Variants in POU6F2 observed in about 807,000 individuals in gnomAD.
POU6F2 encodes the protein POU domain, class 6, transcription factor 2.
In POU6F2, 31 loss-of-function variants were observed where a neutral mutation model predicts 71.3. That is an observed-to-expected ratio of 0.43 (90% confidence interval 0.33 to 0.59). POU6F2 has a LOEUF of 0.59. POU6F2 is among the 20% of genes least tolerant of loss of function. The pLI is 0.04. For missense variants in POU6F2, 783 were observed against 856.8 expected (o/e 0.91, Z 1.07); for synonymous variants, 347 against 355.7 (o/e 0.98, Z 0.27).
chr7:39,058,261 G>T (rs1028289622), intron 1 of POU6F2, among the ~76,000 whole-genome samples: 1 of 152,174 alleles, frequency 6.6e-6, no homozygotes. Flanking sequence ...GGTGAGTTCT[G>T]TACTAGGAGC....
Position 39,154,150 on chromosome 7 carries a change from C to T in POU6F2, c.278-50085C>T, listed in dbSNP as rs530411177. 3.3e-5 allele frequency among the ~76,000 whole-genome samples: 5 copies of T among 152,302 alleles called. No individual in the cohort carries two copies. The East Asian group carries it at 5.8e-4, about 18-fold the overall frequency. The stretch of plus-strand genomic sequence containing the variant: ...AGTACAAACATTAATCTGGTTAAGT[C>T]ATTTAAAATCAAGTTAAAGGGATGT... On this transcript the variant is annotated intron_variant, in intron 2 of 9. Coordinates refer to ENST00000518318, the MANE Select transcript of POU6F2 (RefSeq NM_001370959.1).
At chr7:39,161,490 G>C (rs1242128457) in intron 2 of POU6F2, among the ~76,000 whole-genome samples, 1 of 152,146 alleles carries the variant, frequency 6.6e-6, no homozygotes, top group Non-Finnish European at 1.5e-5. Flanking sequence ...GTTGGTGTAG[G>C]TATTAACCCT....
At chr7:39,078,608 A>C (rs1467436781) in intron 1 of POU6F2, among the ~76,000 whole-genome samples, 1 of 152,206 alleles carries the variant, frequency 6.6e-6, no homozygotes, top group Non-Finnish European at 1.5e-5. Flanking sequence ...CTAGTATTGG[A>C]GCATGAATAT....
chr7:39,277,284 A>G (rs925106894), intron 4 of POU6F2, among the ~76,000 whole-genome samples: 1 of 152,138 alleles, frequency 6.6e-6, no homozygotes, highest in African/African-American at 2.4e-5. Flanking sequence ...CAAGGGGTAC[A>G]TGTGCAGATT....
At chr7:39,121,221 GAA>G (rs1022166605) in intron 2 of POU6F2, among the ~76,000 whole-genome samples, 9 of 152,190 alleles carry the variant, frequency 5.9e-5, no homozygotes, top group Non-Finnish European at 1.0e-4. Flanking sequence ...TGTAAACTCT[GAA>G]AAGTTGCTTA....
chr7:39,328,800 T>A (rs1785574632), intron 4 of POU6F2, among the ~76,000 whole-genome samples: 1 of 152,164 alleles, frequency 6.6e-6, no homozygotes, highest in Admixed American at 6.5e-5. Context: ...TGGCCACATG[T>A]GTCTACACAG....
At chr7:39,227,500 C>A (rs1794489975) in intron 4 of POU6F2, among the ~76,000 whole-genome samples, 1 of 150,678 alleles carries the variant, frequency 6.6e-6, no homozygotes, top group South Asian at 2.1e-4. Context: ...TCCTAGGCCC[C>A]TTCATGGAGT....
intron 4 of POU6F2, among the ~76,000 whole-genome samples, chr7:39,319,406 T>C (rs1284857113): frequency 6.8e-6 from 1 of 146,900 alleles, no homozygotes; most frequent in East Asian, 2.0e-4. Flanking sequence ...GATAACTCTT[T>C]CTGGGGGATG....
rs899174920 is a variant in POU6F2 at position 39,467,524 on chromosome 7, C to T, written c.*2838C>T. The T allele has an allele frequency of 1.3e-5, 2 of 152,186 alleles. No individual in the cohort carries two copies. The highest frequency in any genetic ancestry group is 2.4e-5 in the African/African-American group (1 of 41,456). 9.4% of individuals were successfully genotyped at this position (152,186 alleles called of 1,614,324 possible). A position where few individuals can be genotyped will look rare whatever the true frequency, so the allele number is the denominator to read the frequency against. On this transcript the variant is annotated 3_prime_UTR_variant, in exon 10 of 10. Transcript: ENST00000518318. ...GTATTTCAAGCTTCAGTATTTTTCT[C>T]ACATAATTTTTAATTATTGTTATCT...
chr7:39,087,979 G>A (rs917082749), intron 2 of POU6F2, among the ~76,000 whole-genome samples: 6 of 152,122 alleles, frequency 3.9e-5, no homozygotes, highest in African/African-American at 1.2e-4. Flanking sequence ...ATTTACTAAG[G>A]ATTTGTAGTT....
At chr7:39,390,186 A>G (rs1787037529) in intron 5 of POU6F2, among the ~76,000 whole-genome samples, 2 of 152,272 alleles carry the variant, frequency 1.3e-5, no homozygotes, top group South Asian at 4.1e-4. Flanking sequence ...ACTTGAAGTC[A>G]GGAGTTCGAG....
chr7:39,381,575 C>T (rs1387964159), intron 5 of POU6F2, among the ~76,000 whole-genome samples: 1 of 152,052 alleles, frequency 6.6e-6, no homozygotes, highest in East Asian at 1.9e-4. Context: ...CTTCTTTTTC[C>T]ACCCCAGGCA....
chr7:39,459,457 T>G (rs9648480), intron 8 of POU6F2, among the ~76,000 whole-genome samples: 4,039 of 49,714 alleles, frequency 0.081, 61 homozygotes, highest in Non-Finnish European at 0.12. Context: ...TTGTGGGTTT[T>G]GTTTTGTTTT....
chr7:39,446,591 G>T (rs1189778226), intron 7 of POU6F2, among the ~76,000 whole-genome samples: 25 of 152,232 alleles, frequency 1.6e-4, no homozygotes, highest in Admixed American at 1.6e-3. Flanking sequence ...TTTACAGTGT[G>T]CTGTTATTTC....
Position 38,983,485 on chromosome 7 carries a change from G to A in POU6F2, c.105+5427G>A, listed in dbSNP as rs553600167. The stretch of plus-strand genomic sequence containing the variant: ...GTTAGCCTATGTAAATTGCTCTGTT[G>A]AGCCATATTGTCTTAAACTGATCCA... On this transcript the variant is annotated intron_variant, in intron 1 of 9. Transcript: ENST00000518318. Among the ~76,000 whole-genome samples, 15 of 150,810 alleles carry A rather than the reference G, an allele frequency of 9.9e-5. No individual in the cohort carries two copies. In the South Asian group the frequency reaches 1.9e-3, roughly 19 times the overall value.
intron 5 of POU6F2, among the ~76,000 whole-genome samples, chr7:39,361,520 T>C (rs767798752): frequency 9.9e-5 from 15 of 152,178 alleles, no homozygotes; most frequent in Non-Finnish European, 1.8e-4. Context: ...TAAAATGCAT[T>C]TGGGGATTTT....
intron 1 of POU6F2, among the ~76,000 whole-genome samples, chr7:39,070,373 CCCT>C (rs1005975258): frequency 2.0e-5 from 3 of 151,838 alleles, no homozygotes; most frequent in African/African-American, 4.9e-5. Flanking sequence ...CCAGGCATCT[CCCT>C]CCACACTTCT....
intron 2 of POU6F2, chr7:39,132,371 A>G (rs1045386300): frequency 6.6e-6 from 1 of 152,036 alleles, no homozygotes; most frequent in Non-Finnish European, 1.5e-5. Flanking sequence ...TCATCCATTC[A>G]TTTCAGGCCA....
At chr7:39,340,312 T>G (rs1785889466) in intron 5 of POU6F2, among the ~76,000 whole-genome samples, 1 of 152,212 alleles carries the variant, frequency 6.6e-6, no homozygotes, top group African/African-American at 2.4e-5. Flanking sequence ...ATAATTCCAT[T>G]TTATGATACT....
Sources: gnomAD v4.1 joint callset for allele counts (sites outside exome capture counted in the v4.1 genomes callset) on GRCh38, gnomAD v4.1.1 for gene constraint, MANE v1.5 for transcripts, NCBI Gene and HGNC (gene_info 2026-07-23, HGNC 2026-07-21) for gene names.